Variants in PKD1L3 observed in about 807,000 individuals in gnomAD.
PKD1L3 encodes the protein polycystin-1-like protein 3.
PKD1L3 carries 239 observed loss-of-function variants against 184.1 expected under a neutral mutation model. That is an observed-to-expected ratio of 1.30 (90% CI 1.17 to 1.45). The LOEUF (loss-of-function observed/expected upper bound fraction) is 1.45, where lower values mean the gene tolerates loss of function less well. Ranked by LOEUF, PKD1L3 falls within the 40% of genes most tolerant of loss-of-function variation. The pLI is 0.00. For synonymous variants in PKD1L3, 996 were observed against 778.8 expected (o/e 1.28, Z -4.64); for missense variants, 2,660 against 2,067.2 (o/e 1.29, Z -5.56).
At position 71,934,093 on chromosome 16, in the gene PKD1L3, TTCAC is replaced by T; in HGVS notation, c.4642_4645del (p.Val1548ThrfsTer36). 8.4e-6 allele frequency: 13 copies of T among 1,551,820 alleles called. No homozygotes were observed. The highest frequency in any genetic ancestry group is 1.0e-5 in the Non-Finnish European group (12 of 1,147,026). ...GCCCACAAGGTGAGTCGCAGCAGAGTTCACTTTTACTGCCTCATAGAAGCTGATG... is the reference window on the plus strand; with the variant it reads ...GCCCACAAGGTGAGTCGCAGCAGAGTTTTTACTGCCTCATAGAAGCTGATG... On this transcript the variant is annotated frameshift_variant, in exon 27 of 30. Coordinates refer to ENST00000620267, the MANE Select transcript of PKD1L3 (RefSeq NM_181536.2). LOFTEE classifies it high-confidence loss of function.
At chr16:71,993,028 G>C (rs1195011403) in intron 3 of PKD1L3, among the ~76,000 whole-genome samples, 188 bp downstream of exon 3, 1 of 152,190 alleles carries the variant, frequency 6.6e-6, no homozygotes, top group East Asian at 1.9e-4. Flanking sequence ...CGGCGGCCAA[G>C]GGCATATCAA....
intron 7 of PKD1L3, among the ~76,000 whole-genome samples, chr16:71,980,423 G>A (rs72803749): frequency 0.14 from 20,621 of 152,072 alleles, 1,888 homozygotes; most frequent in Non-Finnish European, 0.19. Flanking sequence ...GCTTTATTGA[G>A]GTAACTTTCA....
At chr16:71,986,162 G>A in intron 5 of PKD1L3, 59 bp downstream of exon 5, 1 of 1,531,744 alleles carries the variant, frequency 6.5e-7, no homozygotes, top group Non-Finnish European at 8.8e-7. Context: ...GCAAATGGGT[G>A]AACCAAGTAC....
chr16:71,944,298 G>T, intron 22 of PKD1L3, 128 bp from the exon 23 acceptor site: 1 of 904,410 alleles, frequency 1.1e-6, no homozygotes, highest in Non-Finnish European at 1.7e-6. Flanking sequence ...TACCTATGCA[G>T]TGCTTCTTAA....
At position 71,947,654 on chromosome 16, in the gene PKD1L3, A is replaced by T. The variant is rs1417832972; in HGVS notation, c.3619-63T>A. ...TACAGACCCAGGAAGATAATACCGTATGTAAAGGAAGAGGTGGGCACTCAT... is the reference window on the plus strand; with the variant it reads ...TACAGACCCAGGAAGATAATACCGTTTGTAAAGGAAGAGGTGGGCACTCAT... On this transcript the variant is annotated intron_variant, in intron 21 of 29. Coordinates refer to ENST00000620267, the MANE Select transcript of PKD1L3 (RefSeq NM_181536.2). 17 of 1,131,278 alleles carry T rather than the reference A, an allele frequency of 1.5e-5. No homozygotes were observed. In the East Asian group the frequency reaches 3.6e-4, roughly 24 times the overall value. The allele number at this position is 1,131,278 out of a possible 1,614,324, so 70.1% of individuals were successfully genotyped here.
intron 10 of PKD1L3, among the ~76,000 whole-genome samples, 177 bp from the exon 11 acceptor site, chr16:71,977,644 G>A (rs986568881): frequency 6.2e-5 from 9 of 145,974 alleles, no homozygotes; most frequent in Non-Finnish European, 1.0e-4. Flanking sequence ...CAATCCTCCC[G>A]CTTCAGTCTC....
chr16:71,950,108 G>A lies in PKD1L3; in HGVS notation c.3383+10C>T. 1 of 1,550,368 alleles carries A rather than the reference G, an allele frequency of 6.5e-7. No individual in the cohort carries two copies. Among genetic ancestry groups the A allele is most frequent in the East Asian group, 2.4e-5 (1 of 40,880 alleles). Reference sequence around the variant, plus strand: ...ACAGGGGATAAAGAAGGCTTGGTGTGGTGCATTACCTGGATGGCTCTTGCT... The same window carrying A: ...ACAGGGGATAAAGAAGGCTTGGTGTAGTGCATTACCTGGATGGCTCTTGCT... On this transcript the variant is annotated intron_variant, in intron 20 of 29. Coordinates refer to ENST00000620267, the MANE Select transcript of PKD1L3 (RefSeq NM_181536.2).
At chr16:71,943,092 A>G in intron 23 of PKD1L3, 68 bp from the exon 24 acceptor site, 2 of 1,294,260 alleles carry the variant, frequency 1.5e-6, no homozygotes, top group Non-Finnish European at 2.1e-6. Context: ...TGTCTTTTTC[A>G]TTTTTCCTAA....
chr16:71,989,062 T>C (rs1045951498), intron 4 of PKD1L3, among the ~76,000 whole-genome samples: 15 of 152,240 alleles, frequency 9.9e-5, no homozygotes, highest in African/African-American at 3.6e-4. Flanking sequence ...AAATCATCAA[T>C]ATAGCAGAGT....
chr16:71,948,515 C>T (rs1417017726), intron 21 of PKD1L3, among the ~76,000 whole-genome samples: 1 of 152,100 alleles, frequency 6.6e-6, no homozygotes, highest in African/African-American at 2.4e-5. Context: ...GCCACTGCGC[C>T]CAGCCACTAT....
chr16:71,987,902 C>T (rs190480626), intron 4 of PKD1L3, among the ~76,000 whole-genome samples: 1 of 152,100 alleles, frequency 6.6e-6, no homozygotes, highest in Non-Finnish European at 1.5e-5. Context: ...AAGCCCACAG[C>T]CAGCTAGCTC....
Position 71,986,341 on chromosome 16 carries a change from G to T in PKD1L3, c.714C>A (p.Pro238=), listed in dbSNP as rs372906367. The T allele has an allele frequency of 1.9e-6, 3 of 1,551,912 alleles. No individual in the cohort carries two copies. Among genetic ancestry groups the T allele is most frequent in the Admixed American group, 2.0e-5 (1 of 50,976 alleles). The stretch of plus-strand genomic sequence containing the variant: ...ATTGCCCAGCATGCGTGACAGACAC[G>T]GGCATGGTGAGCTGTGTTATCACAG... ...PLPVITQLTM[P]VSVTHAGQSL... Residue 238 remains proline (P), a synonymous_variant, in exon 5 of 30, where the codon CCC becomes CCA. Coordinates refer to ENST00000620267, the MANE Select transcript of PKD1L3 (RefSeq NM_181536.2).
At position 71,993,475 on chromosome 16, in the gene PKD1L3, A is replaced by C. The variant is rs566630846; in HGVS notation, c.419-143T>G. 161 of 587,270 alleles carry C rather than the reference A, an allele frequency of 2.7e-4. 2 individuals are homozygous for C. The South Asian group carries it at 3.6e-3, about 13-fold the overall frequency. 36.4% of individuals were successfully genotyped at this position (587,270 alleles called of 1,614,324 possible). On this transcript the variant is annotated intron_variant, in intron 2 of 29. Coordinates refer to ENST00000620267, the MANE Select transcript of PKD1L3 (RefSeq NM_181536.2). ...ATCCAGTTTTTTAAGGACACTAAGA[A>C]TTCTGCAGTAGCCCTTTTGCTCTGC...
At chr16:71,940,058 C>G (rs916047280) in intron 24 of PKD1L3, among the ~76,000 whole-genome samples, 5 of 152,094 alleles carry the variant, frequency 3.3e-5, no homozygotes, top group African/African-American at 1.2e-4. Context: ...AAATTGCAGG[C>G]ATCAGGTACT....
intron 21 of PKD1L3, among the ~76,000 whole-genome samples, chr16:71,947,835 G>A (rs568946697): frequency 6.6e-6 from 1 of 152,166 alleles, no homozygotes; most frequent in Non-Finnish European, 1.5e-5. Context: ...TTGGCTGGGG[G>A]AGCTTACACT....
chr16:71,950,737 CTT>C (rs200363488), intron 19 of PKD1L3, among the ~76,000 whole-genome samples: 9 of 140,496 alleles, frequency 6.4e-5, no homozygotes, highest in Non-Finnish European at 7.6e-5. Flanking sequence ...GTATTTCTCT[CTT>C]TTTTTTTTTT....
intron 12 of PKD1L3, among the ~76,000 whole-genome samples, chr16:71,971,633 G>A (rs1391747653): frequency 1.3e-5 from 2 of 152,150 alleles, no homozygotes; most frequent in Non-Finnish European, 2.9e-5. Context: ...CTCAAAGTAT[G>A]GTTTCCCTAA....
chr16:71,991,292 TTG>T (rs1022826565), intron 3 of PKD1L3: 137 of 229,778 alleles, frequency 6.0e-4, no homozygotes, highest in African/African-American at 2.9e-3. Flanking sequence ...CCTGAAAGTC[TTG>T]TGAGAAGACA....
chr16:71,962,949 A>C (rs1012268564), intron 16 of PKD1L3, among the ~76,000 whole-genome samples: 5 of 152,170 alleles, frequency 3.3e-5, no homozygotes, highest in Non-Finnish European at 7.3e-5. Context: ...GTAAATTTAT[A>C]AATGATTCTC....
Sources: allele counts gnomAD v4.1 joint callset (sites outside exome capture counted in the v4.1 genomes callset), GRCh38; gene constraint gnomAD v4.1.1; transcripts MANE v1.5; gene names NCBI Gene and HGNC (gene_info 2026-07-23, HGNC 2026-07-21).